CLSTN2: variants seen among roughly 807,000 people sequenced by gnomAD.
CLSTN2 encodes the protein calsyntenin-2.
In CLSTN2, 48 loss-of-function variants were observed where a neutral mutation model predicts 101.2. That is an observed-to-expected ratio of 0.47 (90% CI 0.38 to 0.60). CLSTN2 has a LOEUF of 0.60. Among genes scored for constraint, CLSTN2 ranks in the 20% least tolerant of loss-of-function variants. CLSTN2 has a pLI of 0.00. For synonymous variants in CLSTN2, 481 were observed against 463.6 expected (o/e 1.04, Z -0.48); for missense variants, 1,160 against 1,238.2 (o/e 0.94, Z 0.95).
chr3:139,951,660 C>T (rs1935297693), intron 1 of CLSTN2, among the ~76,000 whole-genome samples: 1 of 152,094 alleles, frequency 6.6e-6, no homozygotes, highest in Admixed American at 6.5e-5. Flanking sequence ...GTGAACTGGA[C>T]TAAGTCTTCT....
At chr3:140,172,924 A>G (rs186198615) in intron 1 of CLSTN2, among the ~76,000 whole-genome samples, 2 of 152,270 alleles carry the variant, frequency 1.3e-5, no homozygotes, top group East Asian at 3.9e-4. Flanking sequence ...ACAATTCAAG[A>G]TGAGATTTGG....
At chr3:140,192,334 T>A (rs2010577725) in intron 2 of CLSTN2, among the ~76,000 whole-genome samples, 1 of 152,088 alleles carries the variant, frequency 6.6e-6, no homozygotes, top group African/African-American at 2.4e-5. Context: ...TGTTATTTGA[T>A]GTTGAACTTT....
rs538172075 is a variant in CLSTN2, at chr3:140,114,527, G to A, written c.110-61424G>A. On this transcript the variant is annotated intron_variant, in intron 1 of 16. Coordinates refer to ENST00000458420, the MANE Select transcript of CLSTN2 (RefSeq NM_022131.3). ...CCAAGCTTCTCAATAAATTTATGTT[G>A]GAAGAACAAAGGGGCGGTCTTAGAC... is the stretch of plus-strand genomic sequence containing the variant. Among the ~76,000 whole-genome samples the A allele has an allele frequency of 2.5e-3, 374 of 152,226 alleles. 3 individuals are homozygous for A. The highest frequency in any genetic ancestry group is 8.3e-3 in the African/African-American group (346 of 41,544).
intron 2 of CLSTN2, among the ~76,000 whole-genome samples, chr3:140,347,690 T>C (rs527682800): frequency 7.9e-5 from 12 of 152,308 alleles, no homozygotes; most frequent in Non-Finnish European, 1.3e-4. Flanking sequence ...AATGGGTCGA[T>C]TGTGTGTTCT....
At chr3:140,303,547 C>G (rs962920386) in intron 2 of CLSTN2, among the ~76,000 whole-genome samples, 49 of 152,050 alleles carry the variant, frequency 3.2e-4, no homozygotes, top group African/African-American at 1.1e-3. Flanking sequence ...GTCCTTCAAA[C>G]ACAGAGGTCT....
intron 1 of CLSTN2, among the ~76,000 whole-genome samples, chr3:140,011,702 T>C (rs558061982): frequency 2.6e-5 from 4 of 152,310 alleles, no homozygotes; most frequent in South Asian, 4.1e-4. Context: ...TGGTTCTTCC[T>C]ACATGCTTTG....
intron 1 of CLSTN2, among the ~76,000 whole-genome samples, chr3:139,949,588 A>G (rs778501946): frequency 6.6e-6 from 1 of 152,234 alleles, no homozygotes; most frequent in Non-Finnish European, 1.5e-5. Context: ...TAGATAGCCC[A>G]GGGTCATGAG....
At chr3:140,311,535 A>T (rs1405375457) in intron 2 of CLSTN2, among the ~76,000 whole-genome samples, 1 of 150,156 alleles carries the variant, frequency 6.7e-6, no homozygotes, top group African/African-American at 2.5e-5. Context: ...TGTTCTTGAA[A>T]TCCTGACTTC....
chr3:140,051,056 C>T (rs2007980874), intron 1 of CLSTN2, among the ~76,000 whole-genome samples: 1 of 152,202 alleles, frequency 6.6e-6, no homozygotes, highest in Non-Finnish European at 1.5e-5. Flanking sequence ...CATTCCCTGG[C>T]TGGGCCCGGG....
At chr3:140,082,151 A>G (rs2008609114) in intron 1 of CLSTN2, among the ~76,000 whole-genome samples, 1 of 152,164 alleles carries the variant, frequency 6.6e-6, no homozygotes, top group Non-Finnish European at 1.5e-5. Context: ...TGTCATAAAT[A>G]TTGTTCTGTC....
At chr3:140,223,615 G>A (rs767083903) in intron 2 of CLSTN2, among the ~76,000 whole-genome samples, 4 of 152,156 alleles carry the variant, frequency 2.6e-5, no homozygotes, top group Non-Finnish European at 5.9e-5. Flanking sequence ...CTGCAATGCC[G>A]GGTAGATGTC....
chr3:140,232,536 C>G (rs2086379732), intron 2 of CLSTN2, among the ~76,000 whole-genome samples: 1 of 152,112 alleles, frequency 6.6e-6, no homozygotes, highest in Non-Finnish European at 1.5e-5. Context: ...GATCACAGTT[C>G]CTACGGGCTG....
At chr3:140,218,840 C>G (rs1026341547) in intron 2 of CLSTN2, among the ~76,000 whole-genome samples, 1 of 151,994 alleles carries the variant, frequency 6.6e-6, no homozygotes, top group Non-Finnish European at 1.5e-5. Context: ...GTGGAATCCC[C>G]CAGGGGGACA....
intron 8 of CLSTN2, among the ~76,000 whole-genome samples, chr3:140,517,286 A>G (rs548239254): frequency 6.6e-6 from 1 of 152,344 alleles, no homozygotes; most frequent in Non-Finnish European, 1.5e-5. Context: ...TGATTAGCTT[A>G]ATAATTGACC....
At chr3:140,441,855 A>G (rs2088770074) in intron 5 of CLSTN2, among the ~76,000 whole-genome samples, 1 of 152,144 alleles carries the variant, frequency 6.6e-6, no homozygotes, top group South Asian at 2.1e-4. Flanking sequence ...GCCTCACACT[A>G]CACCAGGGCC....
At chr3:140,017,509 A>C (rs549592219) in intron 1 of CLSTN2, among the ~76,000 whole-genome samples, 2 of 152,308 alleles carry the variant, frequency 1.3e-5, no homozygotes, top group East Asian at 3.9e-4. Context: ...CATTGGTCCC[A>C]CCAGCCCCAT....
At chr3:140,406,012 A>T (rs947664312) in intron 4 of CLSTN2, among the ~76,000 whole-genome samples, 1 of 58,688 alleles carries the variant, frequency 1.7e-5, no homozygotes, top group African/African-American at 3.2e-5. Context: ...GCCTGTCCAC[A>T]TACAGCTCAT....
chr3:140,386,781 G>T (rs990135988), intron 2 of CLSTN2, among the ~76,000 whole-genome samples: 1 of 152,138 alleles, frequency 6.6e-6, no homozygotes, highest in African/African-American at 2.4e-5. Context: ...ATACCCAAGA[G>T]CCAAGGCCTG....
At chr3:140,397,051 C>T (rs188052729) in intron 2 of CLSTN2, among the ~76,000 whole-genome samples, 1 of 151,860 alleles carries the variant, frequency 6.6e-6, no homozygotes, top group Admixed American at 6.6e-5. Context: ...AATGTTCATT[C>T]ACTTAAAAAA....
Sources: allele counts gnomAD v4.1 joint callset (sites outside exome capture counted in the v4.1 genomes callset), GRCh38; gene constraint gnomAD v4.1.1; transcripts MANE v1.5; gene names NCBI Gene and HGNC (gene_info 2026-07-23, HGNC 2026-07-21).